The following METTL15 variants were observed in gnomAD, a reference collection of about 807,000 sequenced individuals.
The protein encoded by METTL15 is methyltransferase 15, mitochondrial 12S rRNA N4-cytidine.
In METTL15, 34 loss-of-function variants were observed where a neutral mutation model predicts 38.3. That is an observed-to-expected ratio of 0.89 (90% CI 0.68 to 1.18). The LOEUF (loss-of-function observed/expected upper bound fraction) is 1.18, where lower values mean the gene tolerates loss of function less well. Ranked by LOEUF, METTL15 falls within the 50% of genes most tolerant of loss-of-function variation. METTL15 has a pLI of 0.00. For synonymous variants in METTL15, 162 were observed against 170.9 expected, an observed-to-expected ratio of 0.95 and a Z score of 0.41; for missense variants, 438 against 498.4, an observed-to-expected ratio of 0.88 and a Z score of 1.15.
intron 5 of METTL15, among the ~76,000 whole-genome samples, chr11:28,378,535 A>G (rs971687872): frequency 1.3e-5 from 2 of 152,132 alleles, no homozygotes; most frequent in Non-Finnish European, 2.9e-5. Context: ...GCGTGCACCC[A>G]CTGACCTGCA....
At chr11:28,446,166 G>C (rs534206792) in intron 6 of METTL15, among the ~76,000 whole-genome samples, 1 of 152,282 alleles carries the variant, frequency 6.6e-6, no homozygotes, top group Admixed American at 6.5e-5. Flanking sequence ...GAAGGCCGTA[G>C]GGTGGGGTGG....
At chr11:28,396,115 T>C (rs1295779853) in intron 5 of METTL15, among the ~76,000 whole-genome samples, 2 of 152,058 alleles carry the variant, frequency 1.3e-5, no homozygotes, top group Admixed American at 1.3e-4. Flanking sequence ...TAAGAGCTGT[T>C]TATGACAAAC....
At chr11:28,120,485 G>A (rs1852181302) in intron 3 of METTL15, among the ~76,000 whole-genome samples, 2 of 151,670 alleles carry the variant, frequency 1.3e-5, no homozygotes, top group Non-Finnish European at 2.9e-5. Context: ...TTCTGGTAAA[G>A]GTTTAACACC....
chr11:28,397,487 A>C (rs1162623263), intron 5 of METTL15, among the ~76,000 whole-genome samples: 1 of 152,194 alleles, frequency 6.6e-6, no homozygotes, highest in Non-Finnish European at 1.5e-5. Context: ...CACATGAAAA[A>C]ATGCTCATCA....
chr11:28,524,969 G>A (rs1209666257), intron 6 of METTL15, among the ~76,000 whole-genome samples: 5 of 152,080 alleles, frequency 3.3e-5, no homozygotes, highest in South Asian at 2.1e-4. Context: ...TCATGGTCTC[G>A]CTGGCTCAGG....
intron 6 of METTL15, among the ~76,000 whole-genome samples, chr11:28,484,016 T>G (rs747484364): frequency 1.3e-5 from 2 of 152,134 alleles, no homozygotes; most frequent in Non-Finnish European, 2.9e-5. Context: ...ATTCTACATC[T>G]TGTTTTTAAT....
At chr11:28,363,748 AT>A (rs1850161531) in intron 5 of METTL15, among the ~76,000 whole-genome samples, 1 of 152,068 alleles carries the variant, frequency 6.6e-6, no homozygotes, top group Admixed American at 6.6e-5. Context: ...TCTTAGACAT[AT>A]CTTTGCCAAA....
At position 28,518,086 on chromosome 11, in the gene METTL15, G is replaced by A. The variant is rs150048964; in HGVS notation, c.*425-8392G>A. 8.5e-5 allele frequency among the ~76,000 whole-genome samples: 13 copies of A among 152,226 alleles called. No individual in the cohort carries two copies. The East Asian group carries it at 2.5e-3, about 29-fold the overall frequency. ...TATTGACTGGGAAGAAGTAGGTGGG[G>A]AGCTGACTTGGAGAGGGGCTACTGC... On this transcript the variant is annotated intron_variant and NMD_transcript_variant, in intron 6 of 7. Coordinates refer to the METTL15 transcript ENST00000532947.
At chr11:28,451,812 G>T (rs766422155) in intron 6 of METTL15, among the ~76,000 whole-genome samples, 7 of 152,148 alleles carry the variant, frequency 4.6e-5, no homozygotes, top group Non-Finnish European at 4.4e-5. Context: ...CCTCCTGATG[G>T]TTATGGGTTA....
intron 5 of METTL15, among the ~76,000 whole-genome samples, chr11:28,401,295 G>A (rs1359307611): frequency 6.6e-6 from 1 of 151,828 alleles, no homozygotes. Flanking sequence ...TACCTGCCTG[G>A]GATAATCATT....
intron 6 of METTL15, among the ~76,000 whole-genome samples, chr11:28,439,943 T>C (rs1176452690): frequency 6.6e-6 from 1 of 152,176 alleles, no homozygotes; most frequent in Non-Finnish European, 1.5e-5. Flanking sequence ...TTTAGTTGGC[T>C]TAACTGTCTT....
intron 6 of METTL15, among the ~76,000 whole-genome samples, chr11:28,454,510 G>A (rs769928774): frequency 2.0e-5 from 3 of 152,062 alleles, no homozygotes; most frequent in Non-Finnish European, 4.4e-5. Flanking sequence ...CAATGTTTCA[G>A]GCCCCATGTC....
intron 6 of METTL15, among the ~76,000 whole-genome samples, chr11:28,298,635 C>G (rs895164598): frequency 6.6e-6 from 1 of 151,874 alleles, no homozygotes; most frequent in Non-Finnish European, 1.5e-5. Context: ...TAAGTACCTT[C>G]AGAAAGATTA....
chr11:28,389,522 A>G (rs1194830451), intron 5 of METTL15, among the ~76,000 whole-genome samples: 1 of 150,842 alleles, frequency 6.6e-6, no homozygotes, highest in African/African-American at 2.4e-5. Context: ...GAGAATGATG[A>G]TTTCCAATTT....
chr11:28,239,197 G>T (rs918396533), intron 4 of METTL15, among the ~76,000 whole-genome samples: 3 of 152,100 alleles, frequency 2.0e-5, no homozygotes, highest in Non-Finnish European at 4.4e-5. Flanking sequence ...CCACTTAGCT[G>T]GCTAATAGAA....
At chr11:28,129,646 G>A (rs1852669785) in intron 3 of METTL15, among the ~76,000 whole-genome samples, 1 of 152,112 alleles carries the variant, frequency 6.6e-6, no homozygotes, top group Non-Finnish European at 1.5e-5. Flanking sequence ...CTGACCTCAA[G>A]TGGTCTGTCT....
chr11:28,497,231 G>T (rs1211844536), intron 6 of METTL15, among the ~76,000 whole-genome samples: 4 of 152,172 alleles, frequency 2.6e-5, no homozygotes, highest in Non-Finnish European at 4.4e-5. Context: ...ACCTTCTCCT[G>T]TTGACTCCAG....
downstream of METTL15, among the ~76,000 whole-genome samples, chr11:28,334,512 G>A (rs536939549): frequency 6.6e-6 from 1 of 152,034 alleles, no homozygotes; most frequent in Admixed American, 6.6e-5. Flanking sequence ...TTTGTGAGGT[G>A]CTTGATAAAT....
chr11:28,352,805 C>T (rs149078096), intron 4 of METTL15, among the ~76,000 whole-genome samples: 12 of 152,130 alleles, frequency 7.9e-5, no homozygotes, highest in African/African-American at 2.9e-4. Flanking sequence ...CAGGCAACAG[C>T]AAAAACTGAC....
Sources: allele counts gnomAD v4.1 joint callset (sites outside exome capture counted in the v4.1 genomes callset), GRCh38; gene constraint gnomAD v4.1.1; transcripts MANE v1.5; gene names NCBI Gene and HGNC (gene_info 2026-07-23, HGNC 2026-07-21).